Variants in RBFOX3 observed in about 807,000 individuals in gnomAD.
The protein encoded by RBFOX3 is RNA binding fox-1 homolog 3, also known as RNA binding protein fox-1 homolog 3.
RBFOX3 carries 17 observed loss-of-function variants against 48.7 expected under a neutral mutation model. The observed-to-expected ratio is 0.35, with a 90% CI of 0.24 to 0.52. RBFOX3 has a LOEUF of 0.52. Among genes scored for constraint, RBFOX3 ranks in the 20% least tolerant of loss-of-function variants. The pLI is 0.94. For missense variants in RBFOX3, 382 were observed against 497.5 expected, an observed-to-expected ratio of 0.77 and a Z score of 2.21; for synonymous variants, 212 against 209.5, an observed-to-expected ratio of 1.01 and a Z score of -0.10.
At chr17:79,557,009 C>T (rs2091809741) in intron 1 of RBFOX3, among the ~76,000 whole-genome samples, 2 of 151,948 alleles carry the variant, frequency 1.3e-5, no homozygotes, top group Admixed American at 6.5e-5. Flanking sequence ...TTTGGGAGGC[C>T]GAGGATGGTG....
intron 1 of RBFOX3, among the ~76,000 whole-genome samples, chr17:79,547,192 C>T (rs1422356000): frequency 6.6e-6 from 1 of 152,140 alleles, no homozygotes; most frequent in Non-Finnish European, 1.5e-5. Context: ...ATTAAAAAAT[C>T]ACTCACGCCA....
chr17:79,190,377 C>T (rs1251382742), intron 4 of RBFOX3, among the ~76,000 whole-genome samples: 2 of 140,670 alleles, frequency 1.4e-5, no homozygotes, highest in African/African-American at 5.2e-5. Flanking sequence ...CGCCATTGCA[C>T]TCCAGCCTGG....
At position 79,290,825 on chromosome 17, in the gene RBFOX3, A is replaced by G. The variant is rs542346351; in HGVS notation, c.-74+16899T>C. The stretch of plus-strand genomic sequence containing the variant: ...AGGCTCTACCTTACACACAAAATCA[A>G]TTCTTCCATGCCCTCAGCCCTGGCC... On this transcript the variant is annotated intron_variant, in intron 3 of 14. Coordinates refer to ENST00000693108, the MANE Select transcript of RBFOX3 (RefSeq NM_001350451.2). Among the ~76,000 whole-genome samples the G allele has an allele frequency of 2.2e-4, 34 of 152,234 alleles. 1 individual carries two copies. In the East Asian group the frequency reaches 6.4e-3, roughly 29 times the overall value.
At chr17:79,138,958 A>ACACG (rs2041264719) in intron 4 of RBFOX3, among the ~76,000 whole-genome samples, 1 of 87,902 alleles carries the variant, frequency 1.1e-5, no homozygotes, top group African/African-American at 4.3e-5. Flanking sequence ...TCAGCCCCAC[A>ACACG]CATGCACACA....
intron 1 of RBFOX3, among the ~76,000 whole-genome samples, chr17:79,525,032 T>C (rs2086615396): frequency 6.6e-6 from 1 of 152,258 alleles, no homozygotes; most frequent in Non-Finnish European, 1.5e-5. Flanking sequence ...CATGTTCCTC[T>C]AAGCATATTG....
chr17:79,255,360 G>A (rs375074965), intron 3 of RBFOX3, among the ~76,000 whole-genome samples: 159 of 152,066 alleles, frequency 1.0e-3, no homozygotes, highest in African/African-American at 3.4e-3. Flanking sequence ...CAGTGACACC[G>A]TTGAGAGACA....
intron 3 of RBFOX3, among the ~76,000 whole-genome samples, chr17:79,280,219 GCA>G (rs1379985893): frequency 9.5e-5 from 9 of 95,228 alleles, no homozygotes; most frequent in African/African-American, 1.8e-4. Context: ...TCACAAACAT[GCA>G]CACACACGCA....
At chr17:79,163,920 G>A (rs1366318935) in intron 4 of RBFOX3, among the ~76,000 whole-genome samples, 1 of 152,238 alleles carries the variant, frequency 6.6e-6, no homozygotes, top group Non-Finnish European at 1.5e-5. Context: ...CATGCAAACA[G>A]GCTGGGGCCA....
At chr17:79,386,787 G>C (rs2060622738) in intron 2 of RBFOX3, among the ~76,000 whole-genome samples, 1 of 152,194 alleles carries the variant, frequency 6.6e-6, no homozygotes, top group South Asian at 2.1e-4. Flanking sequence ...TGACTAGCCT[G>C]CTAAGAAGGC....
chr17:79,605,219 G>C (rs2093799156), intron 1 of RBFOX3, among the ~76,000 whole-genome samples: 1 of 152,070 alleles, frequency 6.6e-6, no homozygotes, highest in African/African-American at 2.4e-5. Flanking sequence ...GAGAATTTTG[G>C]AGCAAGACAA....
chr17:79,143,705 C>T (rs1187707273), intron 4 of RBFOX3, among the ~76,000 whole-genome samples: 1 of 152,230 alleles, frequency 6.6e-6, no homozygotes, highest in East Asian at 1.9e-4. Context: ...TCCTCCAGCA[C>T]AGGCCCCCAC....
upstream of RBFOX3, among the ~76,000 whole-genome samples, chr17:79,612,982 C>G (rs1599294584): frequency 6.6e-6 from 1 of 152,240 alleles, no homozygotes; most frequent in Non-Finnish European, 1.5e-5. Flanking sequence ...AGCCTCCTCG[C>G]AGAAACCTCT....
chr17:79,198,976 C>G lies in RBFOX3; in HGVS notation c.-34+36790G>C, dbSNP rs565128581. ...CTACTGCTTCCCACTGGTTAAAATACAAATTGTCTCCTGCAAAGATGCTGA... is the reference window on the plus strand; with the variant it reads ...CTACTGCTTCCCACTGGTTAAAATAGAAATTGTCTCCTGCAAAGATGCTGA... On this transcript the variant is annotated intron_variant, in intron 4 of 14. Transcript: ENST00000693108. This position sits in a 1 kb window ranked among gnomAD's most constrained non-coding sequence, Gnocchi z 8.2. Among the ~76,000 whole-genome samples the G allele has an allele frequency of 6.6e-6, 1 of 152,172 alleles. No individual in the cohort carries two copies. The highest frequency in any genetic ancestry group is 2.1e-4 in the South Asian group (1 of 4,828).
chr17:79,187,479 G>A (rs760146485), intron 4 of RBFOX3, among the ~76,000 whole-genome samples: 6 of 152,134 alleles, frequency 3.9e-5, no homozygotes, highest in Non-Finnish European at 8.8e-5. Context: ...CGTGCTTTCC[G>A]CAGAGCCAGA....
At chr17:79,465,054 G>T (rs530515950) in intron 2 of RBFOX3, among the ~76,000 whole-genome samples, 2 of 152,326 alleles carry the variant, frequency 1.3e-5, no homozygotes, top group Middle Eastern at 3.4e-3. Context: ...CCTTCCGAAG[G>T]CGAGGTGGAA....
intron 4 of RBFOX3, among the ~76,000 whole-genome samples, chr17:79,125,530 T>C (rs557493054): frequency 1.3e-5 from 2 of 152,318 alleles, no homozygotes; most frequent in Admixed American, 1.3e-4. Context: ...AGCCTGCGTG[T>C]GGGACAACGG....
At chr17:79,283,054 AGGCCT>A (rs1236963667) in intron 3 of RBFOX3, among the ~76,000 whole-genome samples, 4 of 152,036 alleles carry the variant, frequency 2.6e-5, no homozygotes, top group African/African-American at 7.2e-5. Flanking sequence ...TTTTCAAGGC[AGGCCT>A]GGAAAGTTTT....
chr17:79,595,015 A>C (rs899957030), intron 1 of RBFOX3, among the ~76,000 whole-genome samples: 18 of 152,262 alleles, frequency 1.2e-4, no homozygotes, highest in Admixed American at 3.9e-4. Context: ...TGTTTGGCAC[A>C]AGTGCTGACC....
the RBFOX3 span, among the ~76,000 whole-genome samples, chr17:79,627,151 C>T: frequency 8.6e-3 from 1,305 of 152,326 alleles, 7 homozygotes; most frequent in Non-Finnish European, 0.013. Flanking sequence ...CCTTCCCTGT[C>T]CAGGGAATGT....
Sources: gnomAD v4.1 joint callset for allele counts (sites outside exome capture counted in the v4.1 genomes callset) on GRCh38, gnomAD v4.1.1 for gene constraint, Gnocchi (gnomAD v3.1) non-coding constraint, MANE v1.5 for transcripts, NCBI Gene and HGNC (gene_info 2026-07-23, HGNC 2026-07-21) for gene names.